COL5A1: variants seen among roughly 807,000 people sequenced by gnomAD.
COL5A1 encodes collagen alpha-1(V) chain.
COL5A1 carries 16 observed loss-of-function variants against 263.7 expected under a neutral mutation model. The observed-to-expected ratio is 0.06, with a 90% confidence interval of 0.04 to 0.09. The LOEUF is 0.09. Ranked by LOEUF, COL5A1 falls within the 10% of genes least tolerant of loss-of-function variation. The pLI is 1.00. For missense variants in COL5A1, 2,036 were observed against 2,540.5 expected, an observed-to-expected ratio of 0.80 and a Z score of 4.27; for synonymous variants, 1,012 against 1,004.5, an observed-to-expected ratio of 1.01 and a Z score of -0.14.
chr9:134,795,997 C>T (rs1355010502), intron 34 of COL5A1, among the ~76,000 whole-genome samples: 1 of 152,250 alleles, frequency 6.6e-6, no homozygotes, highest in Admixed American at 6.5e-5. Context: ...ACCTGAGGCT[C>T]ACCTATGAGA....
At position 134,841,091 on chromosome 9, in the gene COL5A1, C is replaced by T. The variant is rs115240404; in HGVS notation, c.5371-1066C>T. Among the ~76,000 whole-genome samples, 24 of 152,166 alleles carry T rather than the reference C, an allele frequency of 1.6e-4. No homozygotes were observed. Among genetic ancestry groups the T allele is most frequent in the Admixed American group, 1.6e-3 (24 of 15,274 alleles). On this transcript the variant is annotated intron_variant, in intron 65 of 65. Coordinates refer to ENST00000371817, the MANE Select transcript of COL5A1 (RefSeq NM_000093.5). This position sits in a 1 kb window ranked among gnomAD's most constrained non-coding sequence, Gnocchi z 4.8. Reference sequence around the variant, plus strand: ...TCACTGCCTCCCATCCGGGAGGGAACCCTGGCTGGCCCCTACTTGTTTATC... The same window carrying T: ...TCACTGCCTCCCATCCGGGAGGGAATCCTGGCTGGCCCCTACTTGTTTATC...
rs553741793 is a variant in COL5A1, at chr9:134,658,653, T to C, written c.109+16357T>C. The stretch of plus-strand genomic sequence containing the variant: ...TGTGGGCCTAAAGGCATGTCGGGGG[T>C]CTTAATGGAAGCCGACGCCCCTCTT... On this transcript the variant is annotated intron_variant, in intron 1 of 65. Transcript: ENST00000371817. Among the ~76,000 whole-genome samples the C allele has an allele frequency of 2.0e-4, 31 of 151,766 alleles. No homozygotes were observed. The East Asian group carries it at 5.8e-3, about 29-fold the overall frequency.
intron 1 of COL5A1, among the ~76,000 whole-genome samples, chr9:134,649,783 C>G (rs1009864205): frequency 6.6e-6 from 1 of 152,260 alleles, no homozygotes; most frequent in South Asian, 2.1e-4. Context: ...GCAACCAACC[C>G]AAATGCCCAT....
At position 134,678,376 on chromosome 9, in the gene COL5A1, C is replaced by T. The variant is rs888230489; in HGVS notation, c.110-12536C>T. On this transcript the variant is annotated intron_variant, in intron 1 of 65. Transcript: ENST00000371817. This position sits in a 1 kb window ranked among gnomAD's most constrained non-coding sequence, Gnocchi z 5.5. The stretch of plus-strand genomic sequence containing the variant: ...TGCACAGTCCTCAGCTGCCCCTCCC[C>T]CATGGTGCTCGGGTGCATGGATGGT... Among the ~76,000 whole-genome samples the T allele has an allele frequency of 1.3e-5, 2 of 152,232 alleles. No individual in the cohort carries two copies. Among genetic ancestry groups the T allele is most frequent in the Non-Finnish European group, 1.5e-5 (1 of 68,036 alleles).
chr9:134,643,941 AC>A (rs1831385346), intron 1 of COL5A1, among the ~76,000 whole-genome samples: 1 of 151,934 alleles, frequency 6.6e-6, no homozygotes, highest in Non-Finnish European at 1.5e-5. Flanking sequence ...CCACCTCCAC[AC>A]TGTCTTTTTC....
chr9:134,685,423 C>T (rs1392755914), intron 1 of COL5A1, among the ~76,000 whole-genome samples: 1 of 9,072 alleles, frequency 1.1e-4, no homozygotes, highest in Non-Finnish European at 2.4e-4. Context: ...TTCATCCATC[C>T]ATCCATCCAT....
In COL5A1 at chr9:134,681,979, CTCTG is replaced by C. The variant is rs1305687059; in HGVS notation, c.110-8926_110-8923del. ...TCCCTCCCTCTCTCTCTCTCTTGCT[CTCTG>C]TCTGTCCCCACAGCTGCCTTCCCCG... is the stretch of plus-strand genomic sequence containing the variant. On this transcript the variant is annotated intron_variant, in intron 1 of 65. Transcript: ENST00000371817. This position sits in a 1 kb window ranked among gnomAD's most constrained non-coding sequence, Gnocchi z 4.3. Among the ~76,000 whole-genome samples the C allele has an allele frequency of 5.9e-5, 9 of 152,254 alleles. No individual in the cohort carries two copies. The South Asian group carries it at 1.7e-3, about 28-fold the overall frequency.
rs1016412920 is a variant in COL5A1, at chr9:134,681,538, C to T, written c.110-9374C>T. On this transcript the variant is annotated intron_variant, in intron 1 of 65. Transcript: ENST00000371817. This position sits in a 1 kb window ranked among gnomAD's most constrained non-coding sequence, Gnocchi z 4.3. ...TGCCAGCTGTGTCTGGAGAGGCCAG[C>T]GTGTGCCTGTGGTTTCGGGAGCCTG... Among the ~76,000 whole-genome samples, 5 of 152,134 alleles carry T rather than the reference C, an allele frequency of 3.3e-5. No homozygotes were observed. Among genetic ancestry groups the T allele is most frequent in the Non-Finnish European group, 4.4e-5 (3 of 68,006 alleles).
chr9:134,745,206 A>C (rs1178433073), intron 11 of COL5A1, among the ~76,000 whole-genome samples: 1 of 152,236 alleles, frequency 6.6e-6, no homozygotes, highest in Non-Finnish European at 1.5e-5. Context: ...AAGCGAGCTC[A>C]GTGTTGAAGA....
intron 1 of COL5A1, among the ~76,000 whole-genome samples, chr9:134,668,658 A>T (rs1207932245): frequency 6.6e-6 from 1 of 151,806 alleles, no homozygotes; most frequent in Admixed American, 6.6e-5. Flanking sequence ...CTATAAATCC[A>T]TCCAATCAGA....
intron 4 of COL5A1, among the ~76,000 whole-genome samples, chr9:134,703,462 T>C (rs1006313747): frequency 1.3e-5 from 2 of 152,074 alleles, no homozygotes; most frequent in Non-Finnish European, 2.9e-5. Flanking sequence ...ATTGATGAGC[T>C]TTGAGACTCA....
At chr9:134,694,717 G>A (rs907307630) in intron 2 of COL5A1, among the ~76,000 whole-genome samples, 4 of 152,200 alleles carry the variant, frequency 2.6e-5, no homozygotes, top group African/African-American at 7.2e-5. Flanking sequence ...GGGAGATGAG[G>A]CTGCAGGGAC....
At chr9:134,718,788 C>T (rs370473180) in intron 4 of COL5A1, among the ~76,000 whole-genome samples, 3 of 152,142 alleles carry the variant, frequency 2.0e-5, no homozygotes, top group Non-Finnish European at 4.4e-5. Context: ...ATATGGCCTG[C>T]GAGAGTGGCG....
chr9:134,753,892 G>C lies in COL5A1; in HGVS notation c.1762G>C (p.Val588Leu), dbSNP rs918680618. 1.2e-6 allele frequency: 2 copies of C among 1,613,702 alleles called. No individual in the cohort carries two copies. Among genetic ancestry groups the C allele is most frequent in the African/African-American group, 1.3e-5 (1 of 74,958 alleles). The change falls in exon 15 of 66, where the codon GTG (valine) becomes CTG (leucine). Residue 588 changes from valine to leucine, a missense_variant. Val to Leu is a conservative substitution (Grantham distance 32). Coordinates refer to ENST00000371817, the MANE Select transcript of COL5A1 (RefSeq NM_000093.5). ...SGGLKGEPGD[V>L]GPQGPRGVQG... ...AGGTTTGAAGGGCGAGCCGGGAGACGTGGGGCCTCAGGTATGTGGGATCCT... is the reference window on the plus strand; with the variant it reads ...AGGTTTGAAGGGCGAGCCGGGAGACCTGGGGCCTCAGGTATGTGGGATCCT...
In COL5A1 at chr9:134,802,186, C is replaced by A. The variant is rs10858281; in HGVS notation, c.3006+179C>A. 0.62 allele frequency among the ~76,000 whole-genome samples: 93,645 copies of A among 152,128 alleles called. 29,353 individuals are homozygous for A. The highest frequency in any genetic ancestry group is 0.82 in the East Asian group (4,246 of 5,154). ...GGCTCGCCCCACGCAGGAGCAAGCA[C>A]AGATGTGTTTGCCCTCAACACAAAC... On this transcript the variant is annotated intron_variant, in intron 38 of 65. Transcript: ENST00000371817.
At chr9:134,766,915 A>C in intron 22 of COL5A1, 85 bp from the exon 23 acceptor site, 1 of 1,276,310 alleles carries the variant, frequency 7.8e-7, no homozygotes, top group Non-Finnish European at 1.1e-6. Context: ...AAAGGATGGG[A>C]GGCCAGTGAG....
At chr9:134,690,721 G>A (rs1006253020) in intron 1 of COL5A1, among the ~76,000 whole-genome samples, 191 bp from the exon 2 acceptor site, 16 of 152,208 alleles carry the variant, frequency 1.1e-4, no homozygotes, top group African/African-American at 3.9e-4. Flanking sequence ...GGACAAGGAT[G>A]GGACCCTCCT....
chr9:134,693,684 G>A (rs1377447036), intron 2 of COL5A1, among the ~76,000 whole-genome samples: 4 of 152,156 alleles, frequency 2.6e-5, no homozygotes, highest in Admixed American at 6.5e-5. Flanking sequence ...ACCCCGCCTC[G>A]CCCCTTCCGC....
Position 134,812,431 on chromosome 9 carries a change from G to T in COL5A1, c.3691-18G>T. On this transcript the variant is annotated intron_variant, in intron 46 of 65. Coordinates refer to ENST00000371817, the MANE Select transcript of COL5A1 (RefSeq NM_000093.5). Reference sequence around the variant, plus strand: ...ACATGACAGAACAGCGCTTAACTGGGAAGTTTCCTGTTCTCAGGGTTTGCC... The same window carrying T: ...ACATGACAGAACAGCGCTTAACTGGTAAGTTTCCTGTTCTCAGGGTTTGCC... 6.2e-7 allele frequency: 1 copy of T among 1,613,848 alleles called. No individual in the cohort carries two copies. Among genetic ancestry groups the T allele is most frequent in the Non-Finnish European group, 8.5e-7 (1 of 1,179,860 alleles).
Sources: allele counts gnomAD v4.1 joint callset (sites outside exome capture counted in the v4.1 genomes callset), GRCh38; gene constraint gnomAD v4.1.1; non-coding constraint Gnocchi (gnomAD v3.1); transcripts MANE v1.5; gene names NCBI Gene and HGNC (gene_info 2026-07-23, HGNC 2026-07-21).